The following SLC35F1 variants were observed in gnomAD, a reference collection of about 807,000 sequenced individuals.
SLC35F1 encodes chromosome 6 open reading frame 169.
A neutral mutation model predicts 48.7 loss-of-function variants in SLC35F1; 14 were observed. The ratio of observed to expected loss-of-function variants is 0.29; its 90% CI spans 0.19 to 0.45. The LOEUF (loss-of-function observed/expected upper bound fraction) is 0.45, where lower values mean the gene tolerates loss of function less well. Among genes scored for constraint, SLC35F1 ranks in the 20% least tolerant of loss-of-function variants. The pLI is 1.00. For missense variants in SLC35F1, 404 were observed against 500.0 expected (o/e 0.81, Z 1.83); for synonymous variants, 190 against 202.2 (o/e 0.94, Z 0.51).
intron 1 of SLC35F1, among the ~76,000 whole-genome samples, chr6:117,952,787 T>C (rs1384554897): frequency 6.6e-6 from 1 of 152,216 alleles, no homozygotes; most frequent in Non-Finnish European, 1.5e-5. Flanking sequence ...ATTTTGCCCA[T>C]CAATAATGGC....
intron 1 of SLC35F1, among the ~76,000 whole-genome samples, chr6:118,138,517 C>T (rs891998513): frequency 1.3e-5 from 2 of 152,132 alleles, no homozygotes; most frequent in South Asian, 2.1e-4. Context: ...TTCCAAGGCA[C>T]TATATCAGCA....
At position 117,998,608 on chromosome 6, in the gene SLC35F1, A is replaced by G. The variant is rs534535058; in HGVS notation, c.173+90709A>G. Among the ~76,000 whole-genome samples, 20 of 142,886 alleles carry G rather than the reference A, an allele frequency of 1.4e-4. No individual in the cohort carries two copies. In the South Asian group the frequency reaches 2.8e-3, roughly 20 times the overall value. 93.7% of individuals were successfully genotyped at this position (142,886 alleles called of 152,430 possible). A position where few individuals can be genotyped will look rare whatever the true frequency, so the allele number is the denominator to read the frequency against. Reference sequence around the variant, plus strand: ...CCACAGTGCAATCCAACTAGAACTCAGGATTCAGAAACTCACTCAAAACCA... The same window carrying G: ...CCACAGTGCAATCCAACTAGAACTCGGGATTCAGAAACTCACTCAAAACCA... On this transcript the variant is annotated intron_variant, in intron 1 of 7. Coordinates refer to ENST00000360388, the MANE Select transcript of SLC35F1 (RefSeq NM_001029858.4).
At chr6:118,009,172 A>C (rs769833736) in intron 1 of SLC35F1, among the ~76,000 whole-genome samples, 8 of 152,150 alleles carry the variant, frequency 5.3e-5, no homozygotes, top group Non-Finnish European at 1.0e-4. Context: ...CGTGTCAGGC[A>C]CTGTGCTCAC....
chr6:118,285,171 A>G lies in SLC35F1; in HGVS notation c.848-13A>G. On this transcript the variant is annotated splice_polypyrimidine_tract_variant and intron_variant, in intron 6 of 7. Transcript: ENST00000360388. ...GAGGCCCTGACGCTGCCTTCTCTTT[A>G]CTCTTCCCCCAGGACTGCTCTACGT... 6.2e-7 allele frequency: 1 copy of G among 1,610,792 alleles called. No homozygotes were observed.
chr6:117,910,344 G>T (rs553048973), intron 1 of SLC35F1, among the ~76,000 whole-genome samples: 1 of 152,308 alleles, frequency 6.6e-6, no homozygotes, highest in South Asian at 2.1e-4. Flanking sequence ...TGGATATCAG[G>T]CAGGCCCATT....
At chr6:118,095,474 T>C (rs895408397) in intron 1 of SLC35F1, among the ~76,000 whole-genome samples, 1 of 146,488 alleles carries the variant, frequency 6.8e-6, no homozygotes, top group Non-Finnish European at 1.5e-5. Context: ...CTTGACAGGA[T>C]TTTTTTTTCC....
At chr6:117,961,794 A>C (rs1040383086) in intron 1 of SLC35F1, among the ~76,000 whole-genome samples, 3 of 152,226 alleles carry the variant, frequency 2.0e-5, no homozygotes, top group African/African-American at 7.2e-5. Flanking sequence ...CTAATATATG[A>C]CATGTTTCAT....
intron 1 of SLC35F1, among the ~76,000 whole-genome samples, chr6:117,929,346 C>T (rs76533223): frequency 0.02 from 3,028 of 151,924 alleles, 42 homozygotes; most frequent in Non-Finnish European, 0.032. Flanking sequence ...AGACCAAATC[C>T]CTGGCATTTG....
chr6:117,999,332 C>T (rs531912341), intron 1 of SLC35F1: 268 of 1,595,318 alleles, frequency 1.7e-4, no homozygotes, highest in African/African-American at 5.5e-4. Context: ...CAGGCTGTGC[C>T]GGCCAAAGGC....
chr6:117,925,565 G>A (rs957946455), intron 1 of SLC35F1, among the ~76,000 whole-genome samples: 3 of 152,152 alleles, frequency 2.0e-5, no homozygotes, highest in Admixed American at 6.6e-5. Context: ...GCCAGGTTTA[G>A]TTGGGGTTTG....
At position 118,154,980 on chromosome 6, in the gene SLC35F1, T is replaced by C. The variant is rs559343810; in HGVS notation, c.349+360T>C. Reference sequence around the variant, plus strand: ...TCTAAATAATGCTTGCTCTGAGAAATCCAAGGGAATTGCAGACAAATATAT... The same window carrying C: ...TCTAAATAATGCTTGCTCTGAGAAACCCAAGGGAATTGCAGACAAATATAT... On this transcript the variant is annotated intron_variant, in intron 2 of 7. Transcript: ENST00000360388. Among the ~76,000 whole-genome samples the C allele has an allele frequency of 3.3e-5, 5 of 152,100 alleles. No homozygotes were observed. The South Asian group carries it at 1.0e-3, about 32-fold the overall frequency.
At chr6:117,910,511 C>T (rs1270120167) in intron 1 of SLC35F1, among the ~76,000 whole-genome samples, 1 of 152,226 alleles carries the variant, frequency 6.6e-6, no homozygotes, top group East Asian at 1.9e-4. Context: ...CTTTCCTCTA[C>T]CCTTGGCATG....
chr6:117,969,281 A>T (rs1323374280), intron 1 of SLC35F1, among the ~76,000 whole-genome samples: 1 of 152,148 alleles, frequency 6.6e-6, no homozygotes, highest in Non-Finnish European at 1.5e-5. Flanking sequence ...TATATTTTTT[A>T]TTTGTGTCCA....
At chr6:117,955,266 C>A (rs1776414097) in intron 1 of SLC35F1, among the ~76,000 whole-genome samples, 1 of 152,280 alleles carries the variant, frequency 6.6e-6, no homozygotes, top group East Asian at 1.9e-4. Flanking sequence ...TTAGGAATTA[C>A]AAGCAAAAAT....
chr6:117,920,225 CGAGCCTCGGGGCTT>C (rs1775879980), intron 1 of SLC35F1, among the ~76,000 whole-genome samples: 1 of 151,922 alleles, frequency 6.6e-6, no homozygotes, highest in Non-Finnish European at 1.5e-5. Flanking sequence ...AGGGCGTGCG[CGAGCCTCGGGGCTT>C]GGGTGGTGGC....
chr6:118,039,823 T>C (rs1582633249), intron 1 of SLC35F1, among the ~76,000 whole-genome samples: 2 of 149,132 alleles, frequency 1.3e-5, no homozygotes. Context: ...TTTTTTTTGC[T>C]TCAGACTGGC....
At chr6:118,118,381 G>A (rs1773502335) in intron 1 of SLC35F1, among the ~76,000 whole-genome samples, 1 of 152,038 alleles carries the variant, frequency 6.6e-6, no homozygotes, top group South Asian at 2.1e-4. Context: ...TGATAAACTT[G>A]GCTCCAAATT....
chr6:118,131,443 G>A (rs568121701), intron 1 of SLC35F1, among the ~76,000 whole-genome samples: 4 of 152,104 alleles, frequency 2.6e-5, no homozygotes, highest in Non-Finnish European at 4.4e-5. Context: ...GAGCCATTAA[G>A]TTATAATAAC....
intron 4 of SLC35F1, among the ~76,000 whole-genome samples, chr6:118,272,462 C>T (rs1025679676): frequency 2.0e-5 from 3 of 152,040 alleles, no homozygotes; most frequent in African/African-American, 7.2e-5. Context: ...TCACCATGAA[C>T]ATTGTGCAAA....
Sources: allele counts gnomAD v4.1 joint callset (sites outside exome capture counted in the v4.1 genomes callset), GRCh38; gene constraint gnomAD v4.1.1; transcripts MANE v1.5; gene names NCBI Gene and HGNC (gene_info 2026-07-23, HGNC 2026-07-21).